STAU2: variants seen among roughly 807,000 people sequenced by gnomAD.
The protein encoded by STAU2 is staufen double-stranded RNA binding protein 2, also known as double-stranded RNA-binding protein Staufen homolog 2.
STAU2 carries 20 observed loss-of-function variants against 65.9 expected under a neutral mutation model. That is an observed-to-expected ratio of 0.30 (90% CI 0.21 to 0.44). The LOEUF is 0.44. STAU2 is among the 20% of genes least tolerant of loss of function. The pLI is 1.00. For synonymous variants in STAU2, 232 were observed against 233.9 expected (o/e 0.99, Z 0.07); for missense variants, 558 against 683.9 (o/e 0.82, Z 2.05).
At chr8:73,497,028 G>T (rs1270118607) in intron 13 of STAU2, among the ~76,000 whole-genome samples, 3 of 151,638 alleles carry the variant, frequency 2.0e-5, no homozygotes, top group African/African-American at 7.3e-5. Context: ...TGCTTCCATG[G>T]AACATCTACT....
At chr8:73,568,524 G>A (rs1356356678) in intron 12 of STAU2, among the ~76,000 whole-genome samples, 1 of 152,034 alleles carries the variant, frequency 6.6e-6, no homozygotes, top group East Asian at 1.9e-4. Flanking sequence ...GATCCCTTGA[G>A]CCCAGGAGTT....
In STAU2 at chr8:73,666,739, TAAAC is replaced by T. The variant is rs975266659; in HGVS notation, c.410+6364_410+6367del. ...TTGTTCCAAACTGAGTGTTAACAAA[TAAAC>T]AAACCCTTTGGGGAAGAAAGGATAC... On this transcript the variant is annotated intron_variant, in intron 6 of 14. Transcript: ENST00000524300. Among the ~76,000 whole-genome samples the T allele has an allele frequency of 1.3e-3, 196 of 152,196 alleles. 3 individuals are homozygous for T. The highest frequency in any genetic ancestry group is 4.1e-3 in the African/African-American group (172 of 41,522).
Position 73,496,226 on chromosome 8 carries a change from T to C in STAU2, c.1530+55786A>G, listed in dbSNP as rs187109618. On this transcript the variant is annotated intron_variant, in intron 13 of 14. Coordinates refer to ENST00000524300, the MANE Select transcript of STAU2 (RefSeq NM_001164380.2). ...TGTGTGTGCATCAAAAATACACAAATTTGCTATCAAAAGAATGTTTAGAAA... is the reference window on the plus strand; with the variant it reads ...TGTGTGTGCATCAAAAATACACAAACTTGCTATCAAAAGAATGTTTAGAAA... Among the ~76,000 whole-genome samples the C allele has an allele frequency of 2.1e-3, 316 of 151,216 alleles. 1 individual carries two copies. Among genetic ancestry groups the C allele is most frequent in the African/African-American group, 6.6e-3 (271 of 41,346 alleles).
rs149821519 is a variant in STAU2 at position 73,587,728 on chromosome 8, T to C, written c.1162-4898A>G. 7.1e-3 allele frequency among the ~76,000 whole-genome samples: 1,074 copies of C among 152,254 alleles called. 14 individuals carry two copies. Among genetic ancestry groups the C allele is most frequent in the African/African-American group, 0.023 (961 of 41,542 alleles). On this transcript the variant is annotated intron_variant, in intron 11 of 14. Coordinates refer to ENST00000524300, the MANE Select transcript of STAU2 (RefSeq NM_001164380.2). ...TATTTAAACATGAGAAACCAAGAGA[T>C]AGCACAAACTACCCATAGTGGTAAG...
intron 13 of STAU2, among the ~76,000 whole-genome samples, chr8:73,426,783 A>G (rs1382444120): frequency 6.6e-6 from 1 of 152,238 alleles, no homozygotes; most frequent in East Asian, 1.9e-4. Context: ...ATGACTGCAC[A>G]GTATCCTATC....
At chr8:73,716,575 T>TCTTCTTAA (rs1821266528) in intron 3 of STAU2, among the ~76,000 whole-genome samples, 1 of 152,250 alleles carries the variant, frequency 6.6e-6, no homozygotes, top group Non-Finnish European at 1.5e-5. Flanking sequence ...GTTTGGTCAG[T>TCTTCTTAA]CTTCTTAACT....
intron 6 of STAU2, among the ~76,000 whole-genome samples, chr8:73,661,313 T>C (rs138454339): frequency 3.8e-3 from 582 of 152,300 alleles, no homozygotes; most frequent in Non-Finnish European, 7.1e-3. Context: ...ATAAGGTAAA[T>C]ATTATTTTAA....
At chr8:73,655,639 CTTTTTTTTTTTT>C (rs71269930) in intron 6 of STAU2, among the ~76,000 whole-genome samples, 3 of 104,776 alleles carry the variant, frequency 2.9e-5, no homozygotes, top group Admixed American at 1.0e-4. Flanking sequence ...TTTAATACAT[CTTTTTTTTTTTT>C]TTTTTTTTTT....
intron 13 of STAU2, among the ~76,000 whole-genome samples, chr8:73,527,999 T>C (rs965257869): frequency 6.6e-6 from 1 of 152,088 alleles, no homozygotes; most frequent in Non-Finnish European, 1.5e-5. Context: ...TTTAAGGGAG[T>C]TTAGGAAATG....
chr8:73,558,876 AT>A (rs1438868171), intron 12 of STAU2, among the ~76,000 whole-genome samples: 63 of 152,212 alleles, frequency 4.1e-4, no homozygotes, highest in Non-Finnish European at 8.7e-4. Flanking sequence ...TGGACTATAA[AT>A]TTGTTTATAA....
intron 10 of STAU2, among the ~76,000 whole-genome samples, chr8:73,602,497 C>T (rs1401658874): frequency 6.6e-6 from 1 of 152,108 alleles, no homozygotes; most frequent in African/African-American, 2.4e-5. Context: ...TCACTTGAAG[C>T]CAGGAGTTTA....
intron 3 of STAU2, among the ~76,000 whole-genome samples, chr8:73,721,757 C>A (rs1821704469): frequency 6.6e-6 from 1 of 152,140 alleles, no homozygotes; most frequent in Non-Finnish European, 1.5e-5. Context: ...CATATTATAT[C>A]TTTTCCCATT....
At chr8:73,651,311 G>A in intron 6 of STAU2, 1 of 677,086 alleles carries the variant, frequency 1.5e-6, no homozygotes, top group Non-Finnish European at 2.7e-6. Flanking sequence ...CTTCACCACG[G>A]AGCAGGTCCG....
chr8:73,447,856 C>T (rs963549461), intron 13 of STAU2, among the ~76,000 whole-genome samples: 1 of 152,148 alleles, frequency 6.6e-6, no homozygotes, highest in African/African-American at 2.4e-5. Context: ...GTGAGATTAT[C>T]TAACATGAGA....
At chr8:73,534,236 T>C (rs369631045) in intron 13 of STAU2, among the ~76,000 whole-genome samples, 6 of 152,316 alleles carry the variant, frequency 3.9e-5, no homozygotes, top group African/African-American at 1.4e-4. Context: ...AGAGTGACAG[T>C]TGAACACTAA....
rs1563484753 is a variant in STAU2 at position 73,654,656 on chromosome 8, A to AAAAAAAAAAAAAAAC, written c.410+18450_410+18451insGTTTTTTTTTTTTTT. 2.8e-5 allele frequency among the ~76,000 whole-genome samples: 4 copies of AAAAAAAAAAAAAAAC among 141,548 alleles called. 1 individual carries two copies. The highest frequency in any genetic ancestry group is 6.2e-5 in the Non-Finnish European group (4 of 64,654). 92.9% of individuals were successfully genotyped at this position (141,548 alleles called of 152,430 possible). A position where few individuals can be genotyped will look rare whatever the true frequency, so the allele number is the denominator to read the frequency against. On this transcript the variant is annotated intron_variant, in intron 6 of 14. Coordinates refer to ENST00000524300, the MANE Select transcript of STAU2 (RefSeq NM_001164380.2). ...TTGTCTCAAAAAAAAAAAAAAAAAA[A>AAAAAAAAAAAAAAAC]AAAAAGAACTCTTTTAATTATCAAA...
At chr8:73,432,555 G>T (rs1230577853) in intron 13 of STAU2, among the ~76,000 whole-genome samples, 2 of 152,060 alleles carry the variant, frequency 1.3e-5, no homozygotes, top group Non-Finnish European at 2.9e-5. Flanking sequence ...TAAAATAAGA[G>T]AAACCAAAAA....
intron 13 of STAU2, among the ~76,000 whole-genome samples, chr8:73,508,628 G>A (rs146720244): frequency 8.2e-4 from 125 of 152,246 alleles, no homozygotes; most frequent in African/African-American, 2.9e-3. Context: ...ATAGACGCTC[G>A]ACATAGGGTT....
intron 3 of STAU2, among the ~76,000 whole-genome samples, chr8:73,731,801 C>T (rs1230940849): frequency 6.6e-6 from 1 of 151,760 alleles, no homozygotes; most frequent in African/African-American, 2.4e-5. Flanking sequence ...TAGCCAGGTG[C>T]GGTGGTGCAC....
Sources: gnomAD v4.1 joint callset for allele counts (sites outside exome capture counted in the v4.1 genomes callset) on GRCh38, gnomAD v4.1.1 for gene constraint, MANE v1.5 for transcripts, NCBI Gene and HGNC (gene_info 2026-07-23, HGNC 2026-07-21) for gene names.